Variants in TKTL1 observed in about 807,000 individuals in gnomAD.
The protein encoded by TKTL1 is transketolase-like protein 1.
Under a neutral mutation model 39.3 loss-of-function variants are expected in TKTL1, and 1 was observed. The observed-to-expected ratio is 0.03, with a 90% CI of 0.01 to 0.12. TKTL1 has a LOEUF of 0.12. Ranked by LOEUF, TKTL1 falls within the 10% of genes least tolerant of loss-of-function variation. TKTL1 has a pLI of 1.00. For missense variants in TKTL1, 575 were observed against 509.6 expected (o/e 1.13, Z -1.24); for synonymous variants, 262 against 193.8 (o/e 1.35, Z -2.92).
At chrX:154,306,676 G>A (rs1158373622) in intron 2 of TKTL1, among the ~76,000 whole-genome samples, 1 of 109,701 alleles carries the variant, frequency 9.1e-6, no homozygotes, top group African/African-American at 3.3e-5. Flanking sequence ...TCTCGCTCTT[G>A]CCCAGGCTTG....
chrX:154,327,297 C>T (rs1344922303), intron 10 of TKTL1: 1 of 478,692 alleles, frequency 2.1e-6, no homozygotes, highest in African/African-American at 2.3e-5. Context: ...CCAGAATGTT[C>T]TCATTAACAT....
In TKTL1 at chrX:154,315,264, C is replaced by T. The variant is rs781880487; in HGVS notation, c.956C>T (p.Ser319Phe). The change falls in exon 7 of 13, where the codon TCT becomes TTT. Residue 319 changes from serine to phenylalanine, a missense_variant. Physicochemically the swap from Ser to Phe is radical, Grantham distance 155. Transcript: ENST00000369915. ...GTGCTGGATGGTGACACCAGGTACT[C>T]TACTTTCTCTGAGATATTCAACAAG... Reference protein sequence around the residue: ...VVVLDGDTRYSTFSEIFNKEY... With the variant: ...VVVLDGDTRYFTFSEIFNKEY... 2.5e-6 allele frequency: 3 copies of T among 1,211,188 alleles called. No homozygotes were observed. The highest frequency in any genetic ancestry group is 1.7e-5 in the African/African-American group (1 of 57,731).
chrX:154,314,556 C>T (rs929961836), intron 6 of TKTL1, among the ~76,000 whole-genome samples: 14 of 110,735 alleles, frequency 1.3e-4, no homozygotes, highest in Non-Finnish European at 2.5e-4. Flanking sequence ...GATGGAGTCT[C>T]GCTCAGTCAC....
intron 2 of TKTL1, among the ~76,000 whole-genome samples, chrX:154,306,310 A>G (rs1292754847): frequency 2.7e-5 from 3 of 111,810 alleles, no homozygotes; most frequent in African/African-American, 9.8e-5. Flanking sequence ...CTCCATCTCA[A>G]AAGAAAAATC....
chrX:154,309,686 C>T (rs1557167929), intron 3 of TKTL1, among the ~76,000 whole-genome samples: 2 of 111,285 alleles, frequency 1.8e-5, no homozygotes, highest in African/African-American at 3.3e-5. Flanking sequence ...CCATTCTTAT[C>T]CTAGGGTTGA....
chrX:154,314,979 C>T (rs1255244952), intron 6 of TKTL1, among the ~76,000 whole-genome samples, 194 bp from the exon 7 acceptor site: 3 of 111,431 alleles, frequency 2.7e-5, no homozygotes, highest in African/African-American at 9.8e-5. Flanking sequence ...CCACATCAGC[C>T]ATTTAGTATG....
intron 7 of TKTL1, among the ~76,000 whole-genome samples, chrX:154,319,942 G>A (rs5987243): frequency 0.082 from 9,135 of 111,439 alleles, 929 homozygotes; most frequent in African/African-American, 0.29. Context: ...GGGGAAGGGG[G>A]GTAAGGAATG....
chrX:154,325,443 G>A (rs1557171742), intron 10 of TKTL1, 21 bp downstream of exon 10: 2 of 1,158,338 alleles, frequency 1.7e-6, no homozygotes, highest in South Asian at 1.8e-5. Context: ...ACGCGCTCCT[G>A]CGTTATTCAG....
intron 1 of TKTL1, among the ~76,000 whole-genome samples, chrX:154,302,287 A>G (rs1292616734): frequency 9.0e-6 from 1 of 111,228 alleles, no homozygotes; most frequent in East Asian, 2.8e-4. Context: ...AGAGAATGTC[A>G]TCTAAGTCAA....
At chrX:154,311,303 G>A (rs868921659) in intron 5 of TKTL1, 65 bp downstream of exon 5, 19 of 1,193,418 alleles carry the variant, frequency 1.6e-5, no homozygotes, top group Middle Eastern at 2.3e-4. Context: ...CAGCAGAGGC[G>A]GGAGAGGCTT....
chrX:154,318,315 C>T (rs897904409), intron 7 of TKTL1, among the ~76,000 whole-genome samples: 8 of 110,783 alleles, frequency 7.2e-5, no homozygotes, highest in African/African-American at 2.6e-4. Flanking sequence ...CAAATCATGC[C>T]ATTAATGATG....
At chrX:154,312,304 G>A (rs938212617) in intron 5 of TKTL1, among the ~76,000 whole-genome samples, 4 of 111,815 alleles carry the variant, frequency 3.6e-5, no homozygotes, top group Admixed American at 9.5e-5. Context: ...ACTCGAGCCC[G>A]AGGAGTTGGA....
intron 1 of TKTL1, among the ~76,000 whole-genome samples, chrX:154,301,912 T>C (rs2067276651): frequency 9.1e-6 from 1 of 109,856 alleles, no homozygotes; most frequent in African/African-American, 3.3e-5. Flanking sequence ...ATTTTCTTTT[T>C]TCTTTTTTTT....
At chrX:154,329,476 G>C in intron 12 of TKTL1, 40 bp from the exon 13 acceptor site, 2 of 1,193,798 alleles carry the variant, frequency 1.7e-6, no homozygotes, top group Non-Finnish European at 2.3e-6. Context: ...AGGCTGACGA[G>C]CTGCTTTCAC....
chrX:154,300,787 C>T (rs907887646), intron 1 of TKTL1, among the ~76,000 whole-genome samples: 4 of 110,720 alleles, frequency 3.6e-5, no homozygotes, highest in African/African-American at 1.3e-4. Flanking sequence ...ACCTCCACCT[C>T]CCGGGTTCAA....
At position 154,320,879 on chromosome X, in the gene TKTL1, C is replaced by T; in HGVS notation, c.1152C>T (p.Ile384=). The T allele has an allele frequency of 8.3e-7, 1 of 1,211,645 alleles. No homozygotes were observed. The highest frequency in any genetic ancestry group is 1.8e-5 in the South Asian group (1 of 56,965). ...TAGGAGGCCTCGCTGAGAGCAACAT[C>T]AACATTATTGGTTCCCACTGTGGGG... ...IRIGGLAESN[I]NIIGSHCGVS... The change falls in exon 8 of 13, where the codon ATC becomes ATT. Residue 384 remains isoleucine, a synonymous_variant. Transcript: ENST00000369915.
intron 1 of TKTL1, chrX:154,304,840 T>TA (rs1260413607): frequency 5.9e-5 from 20 of 338,263 alleles, no homozygotes; most frequent in Non-Finnish European, 8.6e-5. Flanking sequence ...GAGCAGCAGT[T>TA]ACTTTGGCAG....
intron 1 of TKTL1, among the ~76,000 whole-genome samples, chrX:154,298,459 C>G (rs1380789326): frequency 8.9e-6 from 1 of 112,306 alleles, no homozygotes; most frequent in African/African-American, 3.2e-5. Context: ...CGCCTGTAAC[C>G]TCAGCACTTT....
intron 2 of TKTL1, 96 bp from the exon 3 acceptor site, chrX:154,309,249 C>G: frequency 1.4e-6 from 1 of 728,428 alleles, no homozygotes. Context: ...GACGCTGCTA[C>G]AGAGCTGACA....
Sources: allele counts gnomAD v4.1 joint callset (sites outside exome capture counted in the v4.1 genomes callset), GRCh38; gene constraint gnomAD v4.1.1; transcripts MANE v1.5; gene names NCBI Gene and HGNC (gene_info 2026-07-23, HGNC 2026-07-21).